The following TEAD4 variants were observed in gnomAD, a reference collection of about 807,000 sequenced individuals.
The protein encoded by TEAD4 is TEA domain transcription factor 4, also known as transcriptional enhancer factor TEF-3.
TEAD4 carries 36 observed loss-of-function variants against 52.4 expected under a neutral mutation model. That is an observed-to-expected ratio of 0.69 (90% CI 0.53 to 0.91). The LOEUF is 0.91. TEAD4 is among the 40% of genes least tolerant of loss of function. The pLI, the probability that TEAD4 is intolerant of heterozygous loss-of-function variation, is 0.00. For missense variants in TEAD4, 508 were observed against 583.9 expected, an observed-to-expected ratio of 0.87 and a Z score of 1.34; for synonymous variants, 220 against 231.0, an observed-to-expected ratio of 0.95 and a Z score of 0.43.
rs2098234249 is a variant in TEAD4, at chr12:2,981,724, G to A, written c.-29-13014G>A. ...AAATTAGTACTGAGGCCCACCCTAA[G>A]CAGGGAAGCAGTATGAACAGACTTG... On this transcript the variant is annotated intron_variant, in intron 2 of 12. Transcript: ENST00000359864. Among the ~76,000 whole-genome samples, 3 of 152,196 alleles carry A rather than the reference G, an allele frequency of 2.0e-5. No individual in the cohort carries two copies. In the South Asian group the frequency reaches 6.2e-4, roughly 32 times the overall value.
At chr12:2,997,253 A>G (rs755293640) in intron 3 of TEAD4, among the ~76,000 whole-genome samples, 5 of 152,200 alleles carry the variant, frequency 3.3e-5, no homozygotes, top group Admixed American at 6.5e-5. Context: ...TTTAAGGAAG[A>G]CACTGGGAAA....
chr12:2,964,787 T>G (rs1314994898), intron 2 of TEAD4, among the ~76,000 whole-genome samples: 1 of 152,098 alleles, frequency 6.6e-6, no homozygotes, highest in African/African-American at 2.4e-5. Flanking sequence ...GGGGATTTCT[T>G]TAGCCGCAGG....
chr12:2,999,875 GC>G (rs2098250336), intron 3 of TEAD4, among the ~76,000 whole-genome samples: 1 of 152,180 alleles, frequency 6.6e-6, no homozygotes, highest in South Asian at 2.1e-4. Flanking sequence ...GAGGGCTGTG[GC>G]TGGCTCTGGG....
chr12:3,007,443 G>GT (rs2098256810), intron 3 of TEAD4, among the ~76,000 whole-genome samples: 1 of 152,224 alleles, frequency 6.6e-6, no homozygotes, highest in African/African-American at 2.4e-5. Context: ...GGGTGATCTG[G>GT]TGCAGTTCTC....
chr12:3,036,591 C>T (rs113017344), intron 10 of TEAD4, among the ~76,000 whole-genome samples: 11 of 152,312 alleles, frequency 7.2e-5, no homozygotes, highest in East Asian at 1.9e-4. Flanking sequence ...TTACTGCATT[C>T]GTAGGGCTGC....
At chr12:3,010,178 G>C (rs1396968537) in intron 3 of TEAD4, among the ~76,000 whole-genome samples, 2 of 152,240 alleles carry the variant, frequency 1.3e-5, no homozygotes, top group Non-Finnish European at 2.9e-5. Context: ...CTGGCCCCCG[G>C]TCCTCTGAAC....
chr12:2,985,888 A>T (rs2098238050), intron 2 of TEAD4, among the ~76,000 whole-genome samples: 1 of 151,794 alleles, frequency 6.6e-6, no homozygotes, highest in East Asian at 2.0e-4. Context: ...GTTCAAGACC[A>T]GCCTGGCCAA....
At chr12:2,977,923 T>C (rs1340872241) in intron 2 of TEAD4, among the ~76,000 whole-genome samples, 1 of 152,220 alleles carries the variant, frequency 6.6e-6, no homozygotes, top group Non-Finnish European at 1.5e-5. Context: ...GAAATCACAA[T>C]GGGATCTGTT....
intron 2 of TEAD4, among the ~76,000 whole-genome samples, chr12:2,992,068 G>T (rs866411618): frequency 7.2e-6 from 1 of 138,374 alleles, no homozygotes; most frequent in South Asian, 2.3e-4. Context: ...GCCCAGGCTG[G>T]AATGTAGTGG....
At position 2,976,304 on chromosome 12, in the gene TEAD4, A is replaced by G. The variant is rs1591558504; in HGVS notation, c.-30+16264A>G. Reference sequence around the variant, plus strand: ...TGGGATTACAGGCGTGAACCTCCACACCTGGCCATCTCATTTCTTTTTTTT... The same window carrying G: ...TGGGATTACAGGCGTGAACCTCCACGCCTGGCCATCTCATTTCTTTTTTTT... On this transcript the variant is annotated intron_variant, in intron 2 of 12. Coordinates refer to ENST00000359864, the MANE Select transcript of TEAD4 (RefSeq NM_003213.4). Among the ~76,000 whole-genome samples the G allele has an allele frequency of 6.1e-5, 9 of 147,596 alleles. No homozygotes were observed. The South Asian group carries it at 1.9e-3, about 32-fold the overall frequency.
chr12:2,987,788 G>C (rs1046848320), intron 2 of TEAD4, among the ~76,000 whole-genome samples: 3 of 151,612 alleles, frequency 2.0e-5, no homozygotes, highest in African/African-American at 7.3e-5. Flanking sequence ...TTTCAGGGCC[G>C]GGCACGGTGG....
chr12:3,010,526 C>T (rs2098259431), intron 3 of TEAD4, among the ~76,000 whole-genome samples: 1 of 152,216 alleles, frequency 6.6e-6, no homozygotes, highest in Non-Finnish European at 1.5e-5. Context: ...CCCGCTGCTG[C>T]CTGCAGACAG....
chr12:2,974,607 C>G (rs1199299869), intron 2 of TEAD4, among the ~76,000 whole-genome samples: 2 of 152,182 alleles, frequency 1.3e-5, no homozygotes, highest in African/African-American at 4.8e-5. Flanking sequence ...CCCGGAGCTC[C>G]TAGTGCCCCA....
chr12:2,975,973 C>T (rs943851364), intron 2 of TEAD4, among the ~76,000 whole-genome samples: 2 of 151,244 alleles, frequency 1.3e-5, no homozygotes, highest in Admixed American at 6.6e-5. Context: ...CTAAGTAATA[C>T]GCATTTGAGT....
intron 2 of TEAD4, among the ~76,000 whole-genome samples, chr12:2,990,024 T>C (rs539723336): frequency 6.6e-6 from 1 of 152,364 alleles, no homozygotes; most frequent in Admixed American, 6.5e-5. Context: ...AATTGCCTTA[T>C]TCTGTTCTCC....
intron 3 of TEAD4, among the ~76,000 whole-genome samples, chr12:3,003,110 C>T (rs910024721): frequency 1.3e-5 from 2 of 152,168 alleles, no homozygotes; most frequent in African/African-American, 4.8e-5. Flanking sequence ...AGCCTCCTCT[C>T]CCTGAGCCCC....
chr12:2,987,521 G>C (rs983749323), intron 2 of TEAD4, among the ~76,000 whole-genome samples: 3 of 151,968 alleles, frequency 2.0e-5, no homozygotes, highest in South Asian at 4.2e-4. Flanking sequence ...TGCAAGCTCC[G>C]CCTCCCGGGT....
intron 10 of TEAD4, among the ~76,000 whole-genome samples, chr12:3,023,262 C>G (rs1363679756): frequency 6.6e-6 from 1 of 151,980 alleles, no homozygotes; most frequent in East Asian, 1.9e-4. Flanking sequence ...GTAGTAAAGG[C>G]AGAAGGAAGT....
At chr12:2,980,530 C>T (rs1469875056) in intron 2 of TEAD4, among the ~76,000 whole-genome samples, 2 of 151,216 alleles carry the variant, frequency 1.3e-5, no homozygotes, top group Admixed American at 6.6e-5. Flanking sequence ...GACAGGAGCT[C>T]GAGACCAGTC....
Sources: allele counts gnomAD v4.1 joint callset (sites outside exome capture counted in the v4.1 genomes callset), GRCh38; gene constraint gnomAD v4.1.1; transcripts MANE v1.5; gene names NCBI Gene and HGNC (gene_info 2026-07-23, HGNC 2026-07-21).